LAMA1: variants seen among roughly 807,000 people sequenced by gnomAD.
The protein encoded by LAMA1 is laminin subunit alpha-1.
LAMA1 carries 219 observed loss-of-function variants against 348.7 expected under a neutral mutation model. The ratio of observed to expected loss-of-function variants is 0.63; its 90% confidence interval spans 0.56 to 0.70. LAMA1 has a LOEUF of 0.70. LAMA1 is among the 30% of genes least tolerant of loss of function. LAMA1 has a pLI of 0.00. For synonymous variants in LAMA1, 1,487 were observed against 1,491.0 expected, an observed-to-expected ratio of 1.00 and a Z score of 0.06; for missense variants, 3,744 against 3,888.0, an observed-to-expected ratio of 0.96 and a Z score of 0.99.
intron 3 of LAMA1, among the ~76,000 whole-genome samples, chr18:7,064,256 CA>C (rs960562089): frequency 2.0e-5 from 3 of 151,244 alleles, no homozygotes; most frequent in African/African-American, 7.3e-5. Flanking sequence ...TTATGATATG[CA>C]TATTTTATAA....
intron 62 of LAMA1, among the ~76,000 whole-genome samples, chr18:6,942,568 C>T (rs1479321701): frequency 6.6e-6 from 1 of 151,978 alleles, no homozygotes; most frequent in South Asian, 2.1e-4. Context: ...CACCCGTCAC[C>T]ACGTCCAGCT....
chr18:7,085,660 C>A (rs28392893), intron 1 of LAMA1, among the ~76,000 whole-genome samples: 1 of 151,960 alleles, frequency 6.6e-6, no homozygotes, highest in Non-Finnish European at 1.5e-5. Flanking sequence ...CTTCCTGATC[C>A]GCCCGCCTCA....
At chr18:7,116,816 TTC>T (rs151157428) in intron 1 of LAMA1, among the ~76,000 whole-genome samples, 3 of 151,740 alleles carry the variant, frequency 2.0e-5, no homozygotes, top group Non-Finnish European at 4.4e-5. Flanking sequence ...TCTTTTCTCT[TTC>T]TCTCTCTCTT....
chr18:7,057,060 T>G lies in LAMA1; in HGVS notation c.346-6124A>C, dbSNP rs1053978072. ...CTAATTTTTGTATTTTTAGTAGAGATGAGGTTTTACCATATTGGCCAGGCT... is the reference window on the plus strand; with the variant it reads ...CTAATTTTTGTATTTTTAGTAGAGAGGAGGTTTTACCATATTGGCCAGGCT... On this transcript the variant is annotated intron_variant, in intron 3 of 62. Transcript: ENST00000389658. 9.2e-5 allele frequency among the ~76,000 whole-genome samples: 14 copies of G among 152,062 alleles called. 1 individual carries two copies. Among genetic ancestry groups the G allele is most frequent in the Admixed American group, 7.9e-4 (12 of 15,260 alleles).
Position 7,080,041 on chromosome 18 carries a change from C to A in LAMA1, c.279G>T (p.Trp93Cys), listed in dbSNP as rs1247026416. 12 of 1,614,020 alleles carry A rather than the reference C, an allele frequency of 7.4e-6. No individual in the cohort carries two copies. Among genetic ancestry groups the A allele is most frequent in the Non-Finnish European group, 1.0e-5 (12 of 1,179,998 alleles). ...SHAIDGTNNW[W>C]QSPSIQNGRE... ...TCCCATTCTGAATGCTGGGACTTTG[C>A]CACCAGTTATTGGTGCCATCTATGG... is the stretch of plus-strand genomic sequence containing the variant. The change falls in exon 3 of 63, where the codon TGG (tryptophan) becomes TGT (cysteine). Residue 93 changes from tryptophan (W) to cysteine (C), a missense_variant. Physicochemically the swap from Trp to Cys is radical, Grantham distance 215. Around this residue, in one of 3 missense-constraint regions of LAMA1, gnomAD observed 1,529 missense variants for 1,689.4 expected, o/e 0.91. Coordinates refer to ENST00000389658, the MANE Select transcript of LAMA1 (RefSeq NM_005559.4).
At chr18:6,951,183 A>C (rs2057545103) in intron 57 of LAMA1, among the ~76,000 whole-genome samples, 1 of 152,168 alleles carries the variant, frequency 6.6e-6, no homozygotes, top group Admixed American at 6.5e-5. Flanking sequence ...GATGAGGATA[A>C]AGCTGTGAAC....
chr18:7,073,268 A>C (rs984646475), intron 3 of LAMA1, among the ~76,000 whole-genome samples: 4 of 152,192 alleles, frequency 2.6e-5, no homozygotes, highest in Non-Finnish European at 5.9e-5. Flanking sequence ...AAATATACGT[A>C]ACATAAAAAC....
chr18:7,020,581 G>A (rs376691211), intron 19 of LAMA1, among the ~76,000 whole-genome samples: 32 of 152,144 alleles, frequency 2.1e-4, no homozygotes, highest in African/African-American at 2.7e-4. Context: ...CGAGAGAAGG[G>A]ATGAGAAAGG....
chr18:6,958,722 AT>A, intron 54 of LAMA1, 60 bp from the exon 55 acceptor site: 1 of 1,408,012 alleles, frequency 7.1e-7, no homozygotes, highest in Non-Finnish European at 1.0e-6. Context: ...TAATAATTCC[AT>A]TTTAGTCCAT....
At position 6,975,811 on chromosome 18, in the gene LAMA1, A is replaced by G. The variant is rs577297872; in HGVS notation, c.6489+126T>C. On this transcript the variant is annotated intron_variant, in intron 45 of 62. Transcript: ENST00000389658. ...TAATGCTACCATTTTAACAAAGGTT[A>G]GTCCCTATGGGAGATTTAGAGATTT... 3 of 1,073,698 alleles carry G rather than the reference A, an allele frequency of 2.8e-6. No homozygotes were observed. In the South Asian group the frequency reaches 3.9e-5, roughly 14 times the overall value. The allele number at this position is 1,073,698 out of a possible 1,614,324, so 66.5% of individuals were successfully genotyped here.
intron 16 of LAMA1, 32 bp downstream of exon 16, chr18:7,032,034 A>T (rs2057971926): frequency 6.4e-7 from 1 of 1,550,538 alleles, no homozygotes; most frequent in Non-Finnish European, 8.9e-7. Context: ...ATTGAGGAGG[A>T]GAGGGCACCT....
intron 1 of LAMA1, among the ~76,000 whole-genome samples, chr18:7,092,192 A>G (rs2058242011): frequency 6.6e-6 from 1 of 152,180 alleles, no homozygotes; most frequent in Non-Finnish European, 1.5e-5. Flanking sequence ...ATAAGCACAT[A>G]TACTTTGAAC....
At chr18:7,017,431 G>T in intron 19 of LAMA1, 47 bp from the exon 20 acceptor site, 1 of 1,347,426 alleles carries the variant, frequency 7.4e-7, no homozygotes, top group Non-Finnish European at 1.1e-6. Flanking sequence ...TTCTGAGGAT[G>T]GTTATCATAA....
chr18:7,091,767 C>T (rs1024298511), intron 1 of LAMA1, among the ~76,000 whole-genome samples: 10 of 152,156 alleles, frequency 6.6e-5, no homozygotes, highest in African/African-American at 2.4e-4. Context: ...GCACTGGCTC[C>T]TCAATTTACA....
At position 6,952,212 on chromosome 18, in the gene LAMA1, A is replaced by G. The variant is rs1366160493; in HGVS notation, c.8208-1241T>C. On this transcript the variant is annotated intron_variant, in intron 57 of 62. Coordinates refer to ENST00000389658, the MANE Select transcript of LAMA1 (RefSeq NM_005559.4). ...GACTGAGGAAGGCGGGCCGAGAGAG[A>G]GCAGGGAACTAGGAGAGTGTGCATC... is the stretch of plus-strand genomic sequence containing the variant. Among the ~76,000 whole-genome samples the G allele has an allele frequency of 2.6e-5, 4 of 152,230 alleles. No individual in the cohort carries two copies. In the South Asian group the frequency reaches 8.3e-4, roughly 32 times the overall value.
At chr18:7,023,057 G>A in intron 19 of LAMA1, 107 bp downstream of exon 19, 2 of 1,209,978 alleles carry the variant, frequency 1.7e-6, no homozygotes, top group Non-Finnish European at 2.4e-6. Flanking sequence ...AACCCCTCAA[G>A]AGAGTGTGAC....
At chr18:7,007,776 T>C (rs1349226835) in intron 28 of LAMA1, among the ~76,000 whole-genome samples, 1 of 152,192 alleles carries the variant, frequency 6.6e-6, no homozygotes, top group Non-Finnish European at 1.5e-5. Flanking sequence ...AAATGTGGCA[T>C]GTATGTACAA....
intron 30 of LAMA1, among the ~76,000 whole-genome samples, chr18:7,001,345 AT>A (rs1320584313): frequency 6.6e-6 from 1 of 152,202 alleles, no homozygotes; most frequent in Admixed American, 6.5e-5. Context: ...GTAAAAAGCA[AT>A]GCAAAAACAC....
intron 61 of LAMA1, 58 bp downstream of exon 61, chr18:6,947,105 A>G: frequency 6.2e-7 from 1 of 1,608,716 alleles, no homozygotes; most frequent in Non-Finnish European, 8.5e-7. Context: ...GCTGTTTCTC[A>G]ATTGCTCTGT....
Sources: gnomAD v4.1 joint callset for allele counts (sites outside exome capture counted in the v4.1 genomes callset) on GRCh38, gnomAD v4.1.1 for gene constraint, gnomAD v4.1.1 regional missense constraint, MANE v1.5 for transcripts, NCBI Gene and HGNC (gene_info 2026-07-23, HGNC 2026-07-21) for gene names.